Variants in PSMA1 observed in about 807,000 individuals in gnomAD.
PSMA1 encodes proteasome subunit alpha type-1.
A neutral mutation model predicts 38.4 loss-of-function variants in PSMA1; 3 were observed. The observed-to-expected ratio is 0.08, with a 90% CI of 0.04 to 0.20. The LOEUF (loss-of-function observed/expected upper bound fraction) is 0.20. Among genes scored for constraint, PSMA1 ranks in the 10% least tolerant of loss-of-function variants. The pLI is 1.00. For missense variants in PSMA1, 227 were observed against 325.3 expected (o/e 0.70, Z 2.32); for synonymous variants, 101 against 107.1 (o/e 0.94, Z 0.35).
At chr11:14,572,791 GAGA>G (rs1183783871) in intron 2 of PSMA1, among the ~76,000 whole-genome samples, 2 of 152,080 alleles carry the variant, frequency 1.3e-5, no homozygotes, top group African/African-American at 4.8e-5. Context: ...GAAGAAAAGA[GAGA>G]AGAATCAAAC....
intron 1 of PSMA1, among the ~76,000 whole-genome samples, chr11:14,627,530 C>T (rs995363987): frequency 1.3e-5 from 2 of 152,140 alleles, no homozygotes; most frequent in African/African-American, 4.8e-5. Context: ...AGTTCCATGG[C>T]CTGGGTTCAA....
intron 7 of PSMA1, among the ~76,000 whole-genome samples, chr11:14,512,282 G>A (rs1417901997): frequency 1.3e-5 from 2 of 152,064 alleles, no homozygotes; most frequent in Non-Finnish European, 2.9e-5. Flanking sequence ...GCTGAGGCAG[G>A]AGAATTGCTT....
intron 2 of PSMA1, among the ~76,000 whole-genome samples, chr11:14,558,520 G>A (rs1851968211): frequency 4.6e-5 from 7 of 152,234 alleles, no homozygotes; most frequent in Admixed American, 4.6e-4. Flanking sequence ...ATGTGCTAAA[G>A]AGGAGCTGTA....
intron 2 of PSMA1, among the ~76,000 whole-genome samples, chr11:14,563,850 T>C (rs1852038093): frequency 6.6e-6 from 1 of 152,218 alleles, no homozygotes; most frequent in African/African-American, 2.4e-5. Context: ...TAAGTTGTAC[T>C]TTCTCATTTT....
intron 1 of PSMA1, chr11:14,611,158 G>A: frequency 1.7e-6 from 1 of 602,476 alleles, no homozygotes; most frequent in Non-Finnish European, 3.0e-6. Context: ...ATACCTGAAA[G>A]ACAATGGAGA....
chr11:14,600,123 C>T (rs929978117), intron 2 of PSMA1, among the ~76,000 whole-genome samples: 15 of 152,174 alleles, frequency 9.9e-5, no homozygotes, highest in Non-Finnish European at 5.9e-5. Flanking sequence ...GAAGCTTCGT[C>T]CCAGAGAGGC....
intron 2 of PSMA1, among the ~76,000 whole-genome samples, chr11:14,545,227 C>CTATTGAAATGCAGTTATCAAAA (rs1487320867): frequency 3.3e-5 from 5 of 152,256 alleles, no homozygotes; most frequent in African/African-American, 1.2e-4. Flanking sequence ...CAAACCAATT[C>CTATTGAAATGCAGTTATCAAAA]TATTGAAATG....
intron 2 of PSMA1, among the ~76,000 whole-genome samples, chr11:14,527,724 G>A (rs1018213082): frequency 1.3e-5 from 2 of 152,064 alleles, no homozygotes; most frequent in African/African-American, 4.8e-5. Flanking sequence ...AGGCCACCGC[G>A]GTCATTTCAT....
intron 2 of PSMA1, among the ~76,000 whole-genome samples, 185 bp from the exon 3 acceptor site, chr11:14,518,166 T>C (rs1361922171): frequency 6.6e-6 from 1 of 151,586 alleles, no homozygotes; most frequent in Non-Finnish European, 1.5e-5. Flanking sequence ...AGTGGCACAA[T>C]CTTCAGCTCA....
chr11:14,523,137 A>C (rs762874460), upstream of PSMA1, among the ~76,000 whole-genome samples: 22 of 152,212 alleles, frequency 1.4e-4, no homozygotes, highest in Non-Finnish European at 2.2e-4. Context: ...TGTAGACCAA[A>C]AGAAGGGGCA....
chr11:14,557,491 C>T (rs1851953808), intron 2 of PSMA1, among the ~76,000 whole-genome samples: 1 of 152,198 alleles, frequency 6.6e-6, no homozygotes, highest in South Asian at 2.1e-4. Flanking sequence ...ATCCGCCCAC[C>T]TCGGCCCCCC....
Position 14,520,376 on chromosome 11 carries a change from G to T in PSMA1, c.-77C>A. On this transcript the variant is annotated 5_prime_UTR_variant, in exon 1 of 10. Transcript: ENST00000396394. ...GGTGCTGCCGAAAGTATCGCTCAGC[G>T]ATCTACAGAGAAGTCTGCGGGAGTT... is the stretch of plus-strand genomic sequence containing the variant. 1 of 1,614,092 alleles carries T rather than the reference G, an allele frequency of 6.2e-7. No homozygotes were observed. The highest frequency in any genetic ancestry group is 8.5e-7 in the Non-Finnish European group (1 of 1,179,956).
rs537180392 is a variant in PSMA1 at position 14,517,671 on chromosome 11, C to T, written c.225G>A (p.Ala75=). ...ACAGTCTAGCATCAGCAGTAAGCCC[C>T]GCAATTGAGATACCAATATGGTTGT... ...HVDNHIGISI[A]GLTADARLLC... Residue 75 remains alanine, a synonymous_variant, in exon 4 of 10, where the codon GCG becomes GCA. Transcript: ENST00000396394. 5.9e-5 allele frequency: 94 copies of T among 1,604,696 alleles called. No homozygotes were observed. In the South Asian group the frequency reaches 8.5e-4, roughly 14 times the overall value.
intron 4 of PSMA1, among the ~76,000 whole-genome samples, chr11:14,516,348 G>T (rs948836716): frequency 6.6e-6 from 1 of 152,190 alleles, no homozygotes; most frequent in Admixed American, 6.5e-5. Context: ...AGGACAACAG[G>T]TGTGTGCCAC....
chr11:14,508,781 C>T (rs751811012), intron 8 of PSMA1, among the ~76,000 whole-genome samples: 1 of 152,130 alleles, frequency 6.6e-6, no homozygotes, highest in Non-Finnish European at 1.5e-5. Flanking sequence ...CTTATTATTC[C>T]ATTAAGCCTG....
chr11:14,551,738 C>T (rs1851887679), intron 2 of PSMA1, among the ~76,000 whole-genome samples: 1 of 152,154 alleles, frequency 6.6e-6, no homozygotes, highest in African/African-American at 2.4e-5. Flanking sequence ...TCTGGCTCTG[C>T]TTCATGTTCA....
chr11:14,596,151 G>A (rs1266491804), intron 2 of PSMA1, among the ~76,000 whole-genome samples: 1 of 152,198 alleles, frequency 6.6e-6, no homozygotes, highest in Admixed American at 6.5e-5. Context: ...CTGTTGGCTT[G>A]TAGTATAGTT....
At chr11:14,583,092 A>T (rs2134184365) in intron 2 of PSMA1, among the ~76,000 whole-genome samples, 1 of 152,328 alleles carries the variant, frequency 6.6e-6, no homozygotes, top group Non-Finnish European at 1.5e-5. Context: ...ACTTACAGGG[A>T]CCATTGGCCC....
chr11:14,562,723 C>G (rs369118887), intron 2 of PSMA1, among the ~76,000 whole-genome samples: 1 of 151,732 alleles, frequency 6.6e-6, no homozygotes, highest in African/African-American at 2.4e-5. Flanking sequence ...CTCCTGGGCT[C>G]AAGCGATCCT....
Sources: gnomAD v4.1 joint callset for allele counts (sites outside exome capture counted in the v4.1 genomes callset) on GRCh38, gnomAD v4.1.1 for gene constraint, MANE v1.5 for transcripts, NCBI Gene and HGNC (gene_info 2026-07-23, HGNC 2026-07-21) for gene names.